POT1: variants seen among roughly 807,000 people sequenced by gnomAD.
POT1 encodes protection of telomeres 1, also known as protection of telomeres protein 1.
In POT1, 47 loss-of-function variants were observed where a neutral mutation model predicts 78.5. That is an observed-to-expected ratio of 0.60 (90% confidence interval 0.47 to 0.76). POT1 has a LOEUF of 0.76. Ranked by LOEUF, POT1 falls within the 30% of genes least tolerant of loss-of-function variation. The pLI, the probability that POT1 is intolerant of heterozygous loss-of-function variation, is 0.00. For synonymous variants in POT1, 259 were observed against 260.7 expected (o/e 0.99, Z 0.06); for missense variants, 646 against 749.9 (o/e 0.86, Z 1.62).
Position 124,823,905 on chromosome 7 carries a change from G to C in POT1, c.*57C>G. 1 of 1,117,896 alleles carries C rather than the reference G, an allele frequency of 8.9e-7. No homozygotes were observed. Among genetic ancestry groups the C allele is most frequent in the South Asian group, 1.3e-5 (1 of 76,614 alleles). The allele number at this position is 1,117,896 out of a possible 1,614,324, so 69.2% of individuals were successfully genotyped here. A position where few individuals can be genotyped will look rare whatever the true frequency, so the allele number is the denominator to read the frequency against. ...TACAAAACTCAGGTCAGGAAAAGAA[G>C]CTCAAACAGGGAAGGTGAGTGGCAA... On this transcript the variant is annotated 3_prime_UTR_variant, in exon 19 of 19. Coordinates refer to ENST00000357628, the MANE Select transcript of POT1 (RefSeq NM_015450.3).
intron 2 of POT1, among the ~76,000 whole-genome samples, chr7:124,922,683 A>G (rs1388355491): frequency 1.3e-5 from 2 of 152,120 alleles, no homozygotes; most frequent in East Asian, 3.9e-4. Context: ...ATAAAATAGA[A>G]TAAAAAATAT....
chr7:124,865,541 C>T (rs1362625809), intron 7 of POT1, among the ~76,000 whole-genome samples: 2 of 151,834 alleles, frequency 1.3e-5, no homozygotes, highest in Non-Finnish European at 2.9e-5. Flanking sequence ...CTATTTAGCC[C>T]ATCCATTAGA....
intron 3 of POT1, among the ~76,000 whole-genome samples, chr7:124,905,903 G>A (rs1403158357): frequency 6.6e-6 from 1 of 152,126 alleles, no homozygotes; most frequent in East Asian, 1.9e-4. Flanking sequence ...ATTATCACTG[G>A]CCATCAGAGA....
chr7:124,911,361 T>C (rs766426397), intron 3 of POT1, among the ~76,000 whole-genome samples: 1 of 152,146 alleles, frequency 6.6e-6, no homozygotes, highest in Non-Finnish European at 1.5e-5. Flanking sequence ...CTTTTTTCTG[T>C]TTTATTTCCT....
At chr7:124,844,565 T>G (rs948104884) in intron 12 of POT1, among the ~76,000 whole-genome samples, 1 of 149,984 alleles carries the variant, frequency 6.7e-6, no homozygotes, top group Non-Finnish European at 1.5e-5. Flanking sequence ...TGAAACCCCG[T>G]CTCTACTAAA....
At chr7:124,896,930 T>C (rs1224564975) in intron 5 of POT1, among the ~76,000 whole-genome samples, 1 of 151,796 alleles carries the variant, frequency 6.6e-6, no homozygotes, top group Non-Finnish European at 1.5e-5. Context: ...TTACACAAAA[T>C]ATCAGCAGAT....
chr7:124,897,308 A>G, intron 4 of POT1, 96 bp from the exon 5 acceptor site: 1 of 418,098 alleles, frequency 2.4e-6, no homozygotes, highest in East Asian at 3.6e-5. Context: ...TTACTTGTAA[A>G]ATATTCAAAT....
intron 6 of POT1, among the ~76,000 whole-genome samples, chr7:124,875,241 G>T (rs1795961454): frequency 6.6e-6 from 1 of 151,986 alleles, no homozygotes; most frequent in African/African-American, 2.4e-5. Context: ...TACATTATGG[G>T]ATCTTTTTTC....
intron 3 of POT1, among the ~76,000 whole-genome samples, chr7:124,914,206 CCTTATGCCA>C (rs1446831413): frequency 4.6e-5 from 7 of 150,584 alleles, no homozygotes; most frequent in Non-Finnish European, 1.5e-5. Flanking sequence ...CTCTGTCTAT[CCTTATGCCA>C]GTACCACTGT....
At chr7:124,837,175 C>T in intron 14 of POT1, 1 of 282,504 alleles carries the variant, frequency 3.5e-6, no homozygotes, top group Non-Finnish European at 6.9e-6. Flanking sequence ...TCTCAGTTTC[C>T]TCTTCTGTTT....
intron 6 of POT1, among the ~76,000 whole-genome samples, chr7:124,884,435 AAC>A (rs1467797087): frequency 1.3e-5 from 2 of 152,158 alleles, no homozygotes; most frequent in Admixed American, 6.6e-5. Context: ...TGCTTCTAGA[AAC>A]ACTGTAACAT....
chr7:124,882,264 T>C (rs1366793104), intron 6 of POT1, among the ~76,000 whole-genome samples: 3 of 152,030 alleles, frequency 2.0e-5, no homozygotes, highest in African/African-American at 7.2e-5. Flanking sequence ...CCAATCAGTA[T>C]TTGAGCAACA....
In POT1 at chr7:124,829,333, C is replaced by G; in HGVS notation, c.1515G>C (p.Gln505His). Residue 505 changes from glutamine (Q) to histidine (H), a missense_variant, in exon 16 of 19, where the codon CAG (glutamine) becomes CAC (histidine). Coordinates refer to ENST00000357628, the MANE Select transcript of POT1 (RefSeq NM_015450.3). ...QGTIHHYGCK[Q>H]CSSLRSIQNL... ...TTTGTATGGATCTCAAACTAGAACA[C>G]TGTTTACATCTGAAATTTATAAAAG... 2 of 1,546,648 alleles carry G rather than the reference C, an allele frequency of 1.3e-6. No homozygotes were observed. Among genetic ancestry groups the G allele is most frequent in the Non-Finnish European group, 1.8e-6 (2 of 1,127,434 alleles).
intron 15 of POT1, among the ~76,000 whole-genome samples, chr7:124,830,078 C>A (rs1180856019): frequency 3.3e-5 from 5 of 152,058 alleles, no homozygotes; most frequent in African/African-American, 9.7e-5. Flanking sequence ...TCACAACATG[C>A]AAGATTCTAG....
chr7:124,867,179 T>C (rs1795748658), intron 7 of POT1, among the ~76,000 whole-genome samples: 1 of 152,184 alleles, frequency 6.6e-6, no homozygotes, highest in Non-Finnish European at 1.5e-5. Context: ...AGTCTACTTC[T>C]ATTTCCACCA....
chr7:124,917,768 T>C (rs1371073296), intron 2 of POT1, among the ~76,000 whole-genome samples: 2 of 152,060 alleles, frequency 1.3e-5, no homozygotes, highest in East Asian at 1.9e-4. Context: ...TATAAAGTTA[T>C]AGTTATTGGA....
intron 2 of POT1, among the ~76,000 whole-genome samples, chr7:124,928,046 GTGA>G (rs1312173211): frequency 2.0e-5 from 3 of 152,180 alleles, no homozygotes; most frequent in African/African-American, 7.2e-5. Context: ...ATAGGTCTTT[GTGA>G]TGATTAAATA....
rs151243052 is a variant in POT1, at chr7:124,860,519, A to T, written c.547-1407T>A. ...GTAAATATTTTAAATTATTTCCTTA[A>T]GATAATGAAAATAAAATTGCTGAGT... is the stretch of plus-strand genomic sequence containing the variant. On this transcript the variant is annotated intron_variant, in intron 8 of 18. Transcript: ENST00000357628. Among the ~76,000 whole-genome samples, 761 of 152,294 alleles carry T rather than the reference A, an allele frequency of 5.0e-3. 9 individuals carry two copies. Among genetic ancestry groups the T allele is most frequent in the African/African-American group, 0.017 (698 of 41,556 alleles).
At chr7:124,899,172 A>G (rs1796560987) in intron 3 of POT1, among the ~76,000 whole-genome samples, 1 of 152,186 alleles carries the variant, frequency 6.6e-6, no homozygotes, top group Non-Finnish European at 1.5e-5. Context: ...ACAATCCTCT[A>G]TTCAGATTTA....
Sources: gnomAD v4.1 joint callset for allele counts (sites outside exome capture counted in the v4.1 genomes callset) on GRCh38, gnomAD v4.1.1 for gene constraint, MANE v1.5 for transcripts, NCBI Gene and HGNC (gene_info 2026-07-23, HGNC 2026-07-21) for gene names.